The following VPS13B variants were observed in gnomAD, a reference collection of about 807,000 sequenced individuals.
The protein encoded by VPS13B is intermembrane lipid transfer protein VPS13B.
In VPS13B, 285 loss-of-function variants were observed where a neutral mutation model predicts 426.4. That is an observed-to-expected ratio of 0.67 (90% confidence interval 0.61 to 0.74). The LOEUF (loss-of-function observed/expected upper bound fraction) is 0.74, where lower values mean the gene tolerates loss of function less well. Among genes scored for constraint, VPS13B ranks in the 30% least tolerant of loss-of-function variants. The pLI, the probability that VPS13B is intolerant of heterozygous loss-of-function variation, is 0.00. For missense variants in VPS13B, 4,537 were observed against 4,782.6 expected (o/e 0.95, Z 1.51); for synonymous variants, 1,676 against 1,676.4 (o/e 1.00, Z 0.01).
intron 30 of VPS13B, among the ~76,000 whole-genome samples, chr8:99,538,459 A>G (rs1310302838): frequency 1.3e-5 from 2 of 152,194 alleles, no homozygotes; most frequent in East Asian, 1.9e-4. Context: ...GCACTTGACA[A>G]TTTGACAATG....
intron 30 of VPS13B, among the ~76,000 whole-genome samples, chr8:99,542,835 G>T (rs1823702216): frequency 6.6e-6 from 1 of 152,098 alleles, no homozygotes; most frequent in Non-Finnish European, 1.5e-5. Context: ...ACCTCATAGG[G>T]TTGTTATGAG....
chr8:99,052,947 G>A (rs539939834), intron 3 of VPS13B, among the ~76,000 whole-genome samples: 148 of 151,666 alleles, frequency 9.8e-4, no homozygotes, highest in Admixed American at 2.2e-3. Context: ...TCTTGCTAGC[G>A]GTCTATCAAT....
At chr8:99,255,481 T>G (rs1474452465) in intron 17 of VPS13B, among the ~76,000 whole-genome samples, 1 of 152,144 alleles carries the variant, frequency 6.6e-6, no homozygotes, top group Admixed American at 6.5e-5. Context: ...TTTTCCGAGA[T>G]TCTGTGTTGT....
chr8:99,257,006 G>T (rs986947585), intron 17 of VPS13B, among the ~76,000 whole-genome samples: 4 of 152,106 alleles, frequency 2.6e-5, no homozygotes, highest in Middle Eastern at 3.2e-3. Context: ...GTATAGAGTA[G>T]TTTCATAGTA....
At chr8:99,694,734 A>G (rs1413212180) in intron 35 of VPS13B, among the ~76,000 whole-genome samples, 4 of 151,906 alleles carry the variant, frequency 2.6e-5, no homozygotes, top group African/African-American at 9.7e-5. Context: ...GCACAGCAAA[A>G]GAAACCACCA....
At chr8:99,713,517 T>A (rs911207543) in intron 36 of VPS13B, among the ~76,000 whole-genome samples, 1 of 152,216 alleles carries the variant, frequency 6.6e-6, no homozygotes, top group Non-Finnish European at 1.5e-5. Flanking sequence ...AACCACCCTG[T>A]GATGTTGGAT....
rs773817774 is a variant in VPS13B at position 99,831,076 on chromosome 8, C to CTTTTT, written c.9331-1283_9331-1279dup. 4.2e-5 allele frequency among the ~76,000 whole-genome samples: 5 copies of CTTTTT among 120,084 alleles called. 1 individual carries two copies. The highest frequency in any genetic ancestry group is 9.6e-5 in the African/African-American group (3 of 31,266). 78.8% of individuals were successfully genotyped at this position (120,084 alleles called of 152,430 possible). ...CTTGCCCGGGAATTGGTGTTTTTTT[C>CTTTTT]TTTTTTTTTTTTTTGAGATAGAGTC... On this transcript the variant is annotated intron_variant, in intron 51 of 61. Coordinates refer to ENST00000357162, the MANE Select transcript of VPS13B (RefSeq NM_152564.5).
chr8:99,026,156 C>T (rs758956723), intron 2 of VPS13B, among the ~76,000 whole-genome samples: 5 of 152,042 alleles, frequency 3.3e-5, no homozygotes, highest in Non-Finnish European at 5.9e-5. Flanking sequence ...ACTGTTTGTA[C>T]TGTTTTTGCT....
intron 22 of VPS13B, among the ~76,000 whole-genome samples, chr8:99,434,819 C>T (rs1414466222): frequency 1.3e-5 from 2 of 152,176 alleles, no homozygotes; most frequent in Non-Finnish European, 2.9e-5. Flanking sequence ...TATATTTCAC[C>T]AGTCTCAGCT....
rs188535777 is a variant in VPS13B, at chr8:99,701,733, C to T, written c.6454+1801C>T. Among the ~76,000 whole-genome samples the T allele has an allele frequency of 4.6e-5, 7 of 152,208 alleles. No individual in the cohort carries two copies. The East Asian group carries it at 1.2e-3, about 25-fold the overall frequency. ...AATAATTATTTGCATCAAGTCAAAT[C>T]AGAGTTGAGATTAGCTACTTAATAG... On this transcript the variant is annotated intron_variant, in intron 36 of 61. Coordinates refer to ENST00000357162, the MANE Select transcript of VPS13B (RefSeq NM_152564.5).
chr8:99,805,553 C>T (rs551677438), intron 43 of VPS13B, among the ~76,000 whole-genome samples: 1 of 152,248 alleles, frequency 6.6e-6, no homozygotes, highest in East Asian at 1.9e-4. Flanking sequence ...ATCCCCAATT[C>T]CCTGATCAGT....
At chr8:99,229,627 CAG>C (rs1816211330) in intron 17 of VPS13B, among the ~76,000 whole-genome samples, 1 of 152,070 alleles carries the variant, frequency 6.6e-6, no homozygotes, top group Non-Finnish European at 1.5e-5. Context: ...TCTAAGCAAA[CAG>C]AAAATCTGAT....
chr8:99,747,280 T>C (rs918911851), intron 39 of VPS13B, among the ~76,000 whole-genome samples: 19 of 151,108 alleles, frequency 1.3e-4, no homozygotes, highest in African/African-American at 4.6e-4. Context: ...AGATATGTTA[T>C]TGTACAAAAA....
In VPS13B at chr8:99,575,734, C is replaced by T. The variant is rs1181061253; in HGVS notation, c.5026C>T (p.Pro1676Ser). The stretch of plus-strand genomic sequence containing the variant: ...TTTTTCTGTCCGAATAACTGGAGCA[C>T]CTGCTGTCATTTTCACCAAAGTAGT... ...TDFSVRITGA[P>S]AVIFTKVVSP... The change falls in exon 32 of 62, where the codon CCT becomes TCT. Residue 1676 changes from proline to serine, a missense_variant. Transcript: ENST00000357162. The T allele has an allele frequency of 6.2e-7, 1 of 1,613,784 alleles. No individual in the cohort carries two copies.
intron 6 of VPS13B, 100 bp from the exon 7 acceptor site, chr8:99,115,600 T>G: frequency 8.6e-7 from 1 of 1,166,562 alleles, no homozygotes; most frequent in Non-Finnish European, 1.2e-6. Context: ...GAGCATTTCT[T>G]TTATGTTATG....
chr8:99,832,754 T>A, intron 52 of VPS13B, 102 bp downstream of exon 52: 2 of 1,178,860 alleles, frequency 1.7e-6, no homozygotes, highest in Non-Finnish European at 2.5e-6. Flanking sequence ...TCCCCATATG[T>A]AATATTAGGC....
At chr8:99,796,967 A>G (rs1050937511) in intron 43 of VPS13B, 7 of 152,230 alleles carry the variant, frequency 4.6e-5, no homozygotes, top group East Asian at 3.9e-4. Flanking sequence ...AGAGCAAGCC[A>G]CAAGGTTAAG....
intron 13 of VPS13B, among the ~76,000 whole-genome samples, chr8:99,143,803 A>T (rs1049040608): frequency 6.6e-6 from 1 of 152,198 alleles, no homozygotes; most frequent in African/African-American, 2.4e-5. Flanking sequence ...TGTCTCTACA[A>T]TACGTTTAGT....
intron 33 of VPS13B, among the ~76,000 whole-genome samples, chr8:99,593,627 A>G (rs1301696749): frequency 1.3e-5 from 2 of 151,910 alleles, no homozygotes; most frequent in African/African-American, 2.4e-5. Context: ...TTGCAGCACT[A>G]TTCACAATAG....
Sources: allele counts gnomAD v4.1 joint callset (sites outside exome capture counted in the v4.1 genomes callset), GRCh38; gene constraint gnomAD v4.1.1; transcripts MANE v1.5; gene names NCBI Gene and HGNC (gene_info 2026-07-23, HGNC 2026-07-21).